GRID1: variants seen among roughly 807,000 people sequenced by gnomAD.
GRID1 encodes the protein glutamate receptor ionotropic, delta-1.
A neutral mutation model predicts 98.0 loss-of-function variants in GRID1; 28 were observed. The observed-to-expected ratio is 0.29, with a 90% CI of 0.21 to 0.39. The LOEUF (loss-of-function observed/expected upper bound fraction) is 0.39, where lower values mean the gene tolerates loss of function less well. Ranked by LOEUF, GRID1 falls within the 10% of genes least tolerant of loss-of-function variation. The pLI, the probability that GRID1 is intolerant of heterozygous loss-of-function variation, is 1.00. For synonymous variants in GRID1, 553 were observed against 538.5 expected (o/e 1.03, Z -0.37); for missense variants, 1,111 against 1,340.5 (o/e 0.83, Z 2.67).
chr10:86,294,839 C>T (rs1422844796), intron 2 of GRID1, among the ~76,000 whole-genome samples: 1 of 152,126 alleles, frequency 6.6e-6, no homozygotes, highest in Non-Finnish European at 1.5e-5. Context: ...AAGTTGGGGA[C>T]ATGGGACATG....
chr10:86,222,182 G>A (rs1846266453), intron 2 of GRID1, among the ~76,000 whole-genome samples: 1 of 152,152 alleles, frequency 6.6e-6, no homozygotes, highest in Non-Finnish European at 1.5e-5. Flanking sequence ...TTTGCAGAGG[G>A]GGCACCTGAA....
chr10:86,067,483 G>A (rs1263133036), intron 4 of GRID1, among the ~76,000 whole-genome samples: 1 of 152,212 alleles, frequency 6.6e-6, no homozygotes, highest in Non-Finnish European at 1.5e-5. Context: ...GAGGCATCAG[G>A]TATTTGGGAA....
chr10:86,131,143 T>C (rs1198111648), intron 4 of GRID1, among the ~76,000 whole-genome samples: 1 of 151,986 alleles, frequency 6.6e-6, no homozygotes, highest in Non-Finnish European at 1.5e-5. Context: ...ATTTAGATAA[T>C]CTCTCTCATT....
chr10:85,973,269 C>T (rs1452739829), intron 4 of GRID1, among the ~76,000 whole-genome samples: 1 of 151,914 alleles, frequency 6.6e-6, no homozygotes, highest in East Asian at 1.9e-4. Flanking sequence ...GAAGTTTTTA[C>T]TTTTTGTACA....
intron 2 of GRID1, among the ~76,000 whole-genome samples, chr10:86,219,249 A>G (rs1435369967): frequency 3.3e-5 from 5 of 151,158 alleles, no homozygotes; most frequent in Non-Finnish European, 5.9e-5. Context: ...CCACCCCTAC[A>G]CCCCCAGCTG....
intron 2 of GRID1, among the ~76,000 whole-genome samples, chr10:86,234,244 G>C (rs1350239448): frequency 1.3e-5 from 2 of 152,168 alleles, no homozygotes; most frequent in African/African-American, 4.8e-5. Flanking sequence ...AGCCACCCTA[G>C]AAAGAGAGAA....
chr10:86,275,254 A>G (rs1229759366), intron 2 of GRID1, among the ~76,000 whole-genome samples: 1 of 152,204 alleles, frequency 6.6e-6, no homozygotes, highest in Non-Finnish European at 1.5e-5. Flanking sequence ...ACAAAGAAGT[A>G]TACACCCTTC....
chr10:85,998,849 G>A (rs1842770427), intron 4 of GRID1, among the ~76,000 whole-genome samples: 1 of 152,062 alleles, frequency 6.6e-6, no homozygotes, highest in Non-Finnish European at 1.5e-5. Flanking sequence ...TGATAAGAAG[G>A]GAATACTACA....
intron 4 of GRID1, among the ~76,000 whole-genome samples, chr10:86,136,464 G>A (rs1844926314): frequency 6.6e-6 from 1 of 152,186 alleles, no homozygotes; most frequent in Non-Finnish European, 1.5e-5. Flanking sequence ...GGGCTCTGGA[G>A]GGAGTAAAAT....
At chr10:85,750,298 A>T (rs922069010) in intron 8 of GRID1, among the ~76,000 whole-genome samples, 4 of 152,104 alleles carry the variant, frequency 2.6e-5, no homozygotes, top group Admixed American at 6.6e-5. Context: ...AAAGCACACA[A>T]CTCTTCTGAC....
intron 4 of GRID1, among the ~76,000 whole-genome samples, chr10:86,093,345 C>A: frequency 6.8e-6 from 1 of 148,066 alleles, no homozygotes; most frequent in Non-Finnish European, 1.5e-5. Flanking sequence ...AAACCAAACC[C>A]AGAAAGAAAA....
intron 8 of GRID1, among the ~76,000 whole-genome samples, chr10:85,846,631 T>C (rs1843009463): frequency 6.6e-6 from 1 of 150,782 alleles, no homozygotes; most frequent in South Asian, 2.1e-4. Context: ...TGAAAAAAAA[T>C]CAATAGAAAA....
chr10:85,863,033 C>A (rs1319599314), intron 6 of GRID1, among the ~76,000 whole-genome samples: 1 of 152,200 alleles, frequency 6.6e-6, no homozygotes, highest in African/African-American at 2.4e-5. Context: ...AATGCCCCAC[C>A]CAACTCCCCA....
chr10:85,748,036 T>C (rs1487287460), intron 8 of GRID1, among the ~76,000 whole-genome samples: 1 of 152,166 alleles, frequency 6.6e-6, no homozygotes, highest in Non-Finnish European at 1.5e-5. Context: ...TCTGATAAGC[T>C]TGAAGGCTGT....
chr10:85,771,465 C>T (rs1308918466), intron 8 of GRID1, among the ~76,000 whole-genome samples: 1 of 152,028 alleles, frequency 6.6e-6, no homozygotes, highest in Non-Finnish European at 1.5e-5. Flanking sequence ...CAAATTCACA[C>T]ATAACAATAT....
chr10:86,111,272 G>A (rs1460591188), intron 4 of GRID1, among the ~76,000 whole-genome samples: 1 of 152,156 alleles, frequency 6.6e-6, no homozygotes, highest in East Asian at 1.9e-4. Context: ...AAGTCACAGG[G>A]TTTTTAATTC....
chr10:86,159,717 A>G (rs921933875), intron 3 of GRID1, among the ~76,000 whole-genome samples: 2 of 152,216 alleles, frequency 1.3e-5, no homozygotes, highest in Non-Finnish European at 2.9e-5. Flanking sequence ...CAGGGGGCAC[A>G]GGGCTAAGTC....
intron 4 of GRID1, among the ~76,000 whole-genome samples, chr10:85,982,645 C>A (rs1434012483): frequency 6.6e-6 from 1 of 152,174 alleles, no homozygotes; most frequent in African/African-American, 2.4e-5. Context: ...GTGTCTTCCT[C>A]TATACAGTGA....
intron 13 of GRID1, among the ~76,000 whole-genome samples, chr10:85,631,991 A>G (rs1001573292): frequency 2.4e-4 from 28 of 117,756 alleles, no homozygotes; most frequent in Admixed American, 1.2e-3. Context: ...ATATGCACAC[A>G]CACACACACA....
Sources: gnomAD v4.1 joint callset for allele counts (sites outside exome capture counted in the v4.1 genomes callset) on GRCh38, gnomAD v4.1.1 for gene constraint, MANE v1.5 for transcripts, NCBI Gene and HGNC (gene_info 2026-07-23, HGNC 2026-07-21) for gene names.